The following KCNH1 variants were observed in gnomAD, a reference collection of about 807,000 sequenced individuals.
KCNH1 encodes the protein voltage-gated delayed rectifier potassium channel KCNH1.
KCNH1 carries 27 observed loss-of-function variants against 69.2 expected under a neutral mutation model. That is an observed-to-expected ratio of 0.39 (90% CI 0.29 to 0.54). The LOEUF (loss-of-function observed/expected upper bound fraction) is 0.54, where lower values mean the gene tolerates loss of function less well. KCNH1 is among the 20% of genes least tolerant of loss of function. The pLI is 0.68. For missense variants in KCNH1, 798 were observed against 1,261.6 expected (o/e 0.63, Z 5.57); for synonymous variants, 456 against 487.7 (o/e 0.93, Z 0.86).
chr1:210,912,687 T>C (rs1432525395), intron 7 of KCNH1, among the ~76,000 whole-genome samples: 1 of 152,036 alleles, frequency 6.6e-6, no homozygotes. Context: ...CATCACTTTG[T>C]TTTTGCATCC....
At chr1:210,744,117 A>C (rs922836497) in intron 10 of KCNH1, among the ~76,000 whole-genome samples, 5 of 152,066 alleles carry the variant, frequency 3.3e-5, no homozygotes, top group Non-Finnish European at 5.9e-5. Context: ...TTTCCTGTAG[A>C]GGGAGGATAA....
At chr1:211,036,505 T>C (rs763348237) in intron 5 of KCNH1, among the ~76,000 whole-genome samples, 1 of 152,200 alleles carries the variant, frequency 6.6e-6, no homozygotes, top group Non-Finnish European at 1.5e-5. Flanking sequence ...CAAAAAGCTT[T>C]CTCAGGATCA....
chr1:210,741,184 C>T (rs1683020237), intron 10 of KCNH1, among the ~76,000 whole-genome samples: 2 of 152,096 alleles, frequency 1.3e-5, no homozygotes, highest in South Asian at 2.1e-4. Context: ...TGAATGATGC[C>T]GTCACATGAT....
chr1:210,887,722 CAAA>C (rs35066964), intron 7 of KCNH1, among the ~76,000 whole-genome samples: 1,388 of 55,092 alleles, frequency 0.025, 23 homozygotes, highest in African/African-American at 0.073. Context: ...AATGGAAAGC[CAAA>C]AAAAAAAAAA....
At chr1:210,863,238 A>C (rs983723448) in intron 7 of KCNH1, among the ~76,000 whole-genome samples, 2 of 148,900 alleles carry the variant, frequency 1.3e-5, no homozygotes, top group East Asian at 3.9e-4. Context: ...GTTACCCAGC[A>C]GAGTGTTGGG....
chr1:210,902,597 G>C (rs1018329998), intron 7 of KCNH1, among the ~76,000 whole-genome samples: 3 of 152,206 alleles, frequency 2.0e-5, no homozygotes, highest in South Asian at 4.1e-4. Flanking sequence ...CCGCCATATG[G>C]CTGAAAGTGG....
At chr1:210,704,158 G>A (rs12140954) in intron 10 of KCNH1, among the ~76,000 whole-genome samples, 54,978 of 151,958 alleles carry the variant, frequency 0.36, 10,946 homozygotes, top group South Asian at 0.52. Context: ...GAGAACATGT[G>A]TCGAAGGCAG....
At chr1:210,879,530 G>GA (rs746465815) in intron 7 of KCNH1, among the ~76,000 whole-genome samples, 34 of 151,916 alleles carry the variant, frequency 2.2e-4, no homozygotes, top group Non-Finnish European at 3.2e-4. Flanking sequence ...AATAGATGCA[G>GA]AAAAAAGCAT....
chr1:210,792,017 C>CTGTCTT, intron 9 of KCNH1, among the ~76,000 whole-genome samples: 1 of 152,164 alleles, frequency 6.6e-6, no homozygotes, highest in African/African-American at 2.4e-5. Context: ...AAGTAAGATC[C>CTGTCTT]ATGCCATGGG....
intron 4 of KCNH1, among the ~76,000 whole-genome samples, chr1:211,089,885 G>T (rs1323488481): frequency 6.6e-6 from 1 of 152,182 alleles, no homozygotes; most frequent in Non-Finnish European, 1.5e-5. Context: ...TTTATATCCT[G>T]ATGAGCTGGA....
chr1:210,799,705 A>G (rs369571094), intron 8 of KCNH1, among the ~76,000 whole-genome samples: 5 of 152,182 alleles, frequency 3.3e-5, no homozygotes, highest in Non-Finnish European at 7.3e-5. Context: ...TTCAGTGATG[A>G]CGTTTTCCTT....
At chr1:210,926,562 C>T (rs1687577826) in intron 6 of KCNH1, among the ~76,000 whole-genome samples, 1 of 152,128 alleles carries the variant, frequency 6.6e-6, no homozygotes, top group Admixed American at 6.5e-5. Context: ...AGAATCTGAA[C>T]AATAGCCCTT....
chr1:210,715,237 C>T (rs961688789), intron 10 of KCNH1, among the ~76,000 whole-genome samples: 3 of 152,218 alleles, frequency 2.0e-5, no homozygotes, highest in East Asian at 1.9e-4. Flanking sequence ...GTGCTGCCTA[C>T]ACCAGATGAC....
chr1:210,832,907 C>CATATATATATATATATATATATATATAT (rs367619819), intron 7 of KCNH1, among the ~76,000 whole-genome samples: 2,292 of 109,698 alleles, frequency 0.021, 139 homozygotes, highest in Non-Finnish European at 0.037. Context: ...TTCTCAAATA[C>CATATATATATATATATATATATATATAT]ATATATATAT....
chr1:210,880,556 C>T (rs1487999010), intron 7 of KCNH1, among the ~76,000 whole-genome samples: 1 of 152,154 alleles, frequency 6.6e-6, no homozygotes, highest in Non-Finnish European at 1.5e-5. Flanking sequence ...AATCTAGACA[C>T]AGACCATACA....
intron 6 of KCNH1, among the ~76,000 whole-genome samples, chr1:211,006,898 T>C (rs2102405016): frequency 6.6e-6 from 1 of 152,210 alleles, no homozygotes; most frequent in African/African-American, 2.4e-5. Context: ...GACAACTCAC[T>C]ACATACAGTG....
intron 3 of KCNH1, 29 bp downstream of exon 3, chr1:211,103,467 G>A: frequency 7.2e-7 from 1 of 1,382,748 alleles, no homozygotes. Flanking sequence ...ACACATAAAG[G>A]TATGGTTCAG....
At chr1:210,935,348 G>T (rs144405506) in intron 6 of KCNH1, among the ~76,000 whole-genome samples, 10 of 152,018 alleles carry the variant, frequency 6.6e-5, no homozygotes, top group Admixed American at 3.3e-4. Context: ...CAAAAATAAC[G>T]GTTACTAGAG....
intron 6 of KCNH1, among the ~76,000 whole-genome samples, chr1:210,927,933 C>G (rs1687606375): frequency 6.6e-6 from 1 of 152,052 alleles, no homozygotes; most frequent in South Asian, 2.1e-4. Flanking sequence ...ACAAAACAAA[C>G]TTTAAAGAAA....
Sources: gnomAD v4.1 joint callset for allele counts (sites outside exome capture counted in the v4.1 genomes callset) on GRCh38, gnomAD v4.1.1 for gene constraint, MANE v1.5 for transcripts, NCBI Gene and HGNC (gene_info 2026-07-23, HGNC 2026-07-21) for gene names.